The following MBD5 variants were observed in gnomAD, a reference collection of about 807,000 sequenced individuals.
MBD5 encodes the protein methyl-CpG-binding domain protein 5.
A neutral mutation model predicts 117.3 loss-of-function variants in MBD5; 13 were observed. The observed-to-expected ratio is 0.11, with a 90% CI of 0.07 to 0.18. The LOEUF (loss-of-function observed/expected upper bound fraction) is 0.18, where lower values mean the gene tolerates loss of function less well. MBD5 is among the 10% of genes least tolerant of loss of function. The probability of loss-of-function intolerance (pLI) is 1.00; values close to 1 mark genes in which losing one functional copy is unlikely to be tolerated. For missense variants in MBD5, 1,879 were observed against 2,093.8 expected (o/e 0.90, Z 2.00); for synonymous variants, 727 against 766.4 (o/e 0.95, Z 0.85).
intron 3 of MBD5, among the ~76,000 whole-genome samples, chr2:148,309,411 T>C (rs1206227404): frequency 6.6e-6 from 1 of 152,168 alleles, no homozygotes; most frequent in Admixed American, 6.5e-5. Context: ...ATTCTCTTTG[T>C]AGCAACTGTG....
At chr2:148,448,791 A>G (rs1706640646) in intron 4 of MBD5, among the ~76,000 whole-genome samples, 1 of 152,104 alleles carries the variant, frequency 6.6e-6, no homozygotes, top group Admixed American at 6.6e-5. Context: ...ATCATTTTTC[A>G]ACAAAGATTT....
chr2:148,479,284 C>T (rs150600065), intron 8 of MBD5, among the ~76,000 whole-genome samples: 1 of 152,150 alleles, frequency 6.6e-6, no homozygotes, highest in Non-Finnish European at 1.5e-5. Flanking sequence ...TTCCAATGTC[C>T]CTTATCTCCT....
intron 3 of MBD5, among the ~76,000 whole-genome samples, chr2:148,258,132 A>G (rs1032627846): frequency 6.6e-6 from 1 of 152,152 alleles, no homozygotes; most frequent in African/African-American, 2.4e-5. Flanking sequence ...GGGTTGTGGC[A>G]GATCCTGAGG....
intron 3 of MBD5, among the ~76,000 whole-genome samples, chr2:148,270,262 A>G (rs1047572978): frequency 9.2e-5 from 14 of 152,152 alleles, no homozygotes; most frequent in Non-Finnish European, 1.9e-4. Context: ...CATTAGCCTT[A>G]TATTTTGCAA....
At chr2:148,247,751 T>C (rs1244676108) in intron 3 of MBD5, among the ~76,000 whole-genome samples, 1 of 152,096 alleles carries the variant, frequency 6.6e-6, no homozygotes, top group Non-Finnish European at 1.5e-5. Flanking sequence ...TTTTTCAAAA[T>C]GAGTATTTGT....
intron 3 of MBD5, among the ~76,000 whole-genome samples, chr2:148,313,480 C>T (rs999191094): frequency 4.6e-5 from 7 of 151,746 alleles, no homozygotes; most frequent in Non-Finnish European, 8.8e-5. Flanking sequence ...CTCAAGCAGA[C>T]GCACCTCCCT....
intron 4 of MBD5, among the ~76,000 whole-genome samples, chr2:148,452,448 CG>C (rs1376708294): frequency 2.0e-5 from 3 of 152,044 alleles, no homozygotes; most frequent in African/African-American, 7.2e-5. Context: ...TGCAGTGAGC[CG>C]TGATTGTGCC....
chr2:148,176,518 C>T (rs939312206), intron 1 of MBD5, among the ~76,000 whole-genome samples: 5 of 151,774 alleles, frequency 3.3e-5, no homozygotes, highest in Non-Finnish European at 5.9e-5. Context: ...GATCAATTCT[C>T]CTGTCTCAGC....
chr2:148,316,717 TA>T (rs1231806864), intron 3 of MBD5, among the ~76,000 whole-genome samples: 4 of 152,134 alleles, frequency 2.6e-5, no homozygotes, highest in African/African-American at 9.6e-5. Flanking sequence ...ATGAACAAAT[TA>T]AAAAAATGAA....
chr2:148,078,819 A>T (rs749547719), intron 1 of MBD5, among the ~76,000 whole-genome samples: 1 of 152,232 alleles, frequency 6.6e-6, no homozygotes, highest in Non-Finnish European at 1.5e-5. Flanking sequence ...GTAACTGGAT[A>T]TCATAGCCAT....
At chr2:148,318,936 G>A (rs1180782204) in intron 3 of MBD5, among the ~76,000 whole-genome samples, 1 of 152,078 alleles carries the variant, frequency 6.6e-6, no homozygotes, top group African/African-American at 2.4e-5. Context: ...GGGTAGTGTG[G>A]AACTCCTGGC....
intron 3 of MBD5, among the ~76,000 whole-genome samples, chr2:148,318,658 A>C (rs1702212349): frequency 6.6e-6 from 1 of 152,122 alleles, no homozygotes; most frequent in African/African-American, 2.4e-5. Context: ...AAAAATTCTT[A>C]CGCATATGGC....
intron 2 of MBD5, among the ~76,000 whole-genome samples, chr2:148,215,089 G>A (rs1699519524): frequency 6.6e-6 from 1 of 152,080 alleles, no homozygotes; most frequent in Non-Finnish European, 1.5e-5. Context: ...TTTCCTCTAA[G>A]CATTTTGTGT....
chr2:148,170,088 G>A (rs1339247036), intron 1 of MBD5, among the ~76,000 whole-genome samples: 2 of 151,930 alleles, frequency 1.3e-5, no homozygotes, highest in African/African-American at 4.8e-5. Context: ...TAGTAGAGAC[G>A]GGGTTTCACC....
At chr2:148,269,668 GT>G (rs11316954) in intron 3 of MBD5, among the ~76,000 whole-genome samples, 30,729 of 125,746 alleles carry the variant, frequency 0.24, 3,657 homozygotes, top group East Asian at 0.53. Flanking sequence ...AGTTTTTTTA[GT>G]TTTTTTTTTT....
At chr2:148,343,051 A>G (rs1188750556) in intron 4 of MBD5, among the ~76,000 whole-genome samples, 2 of 151,946 alleles carry the variant, frequency 1.3e-5, no homozygotes, top group Non-Finnish European at 2.9e-5. Context: ...TCCTGTGTTA[A>G]TTATCTTAGG....
chr2:148,238,475 G>A (rs182259740), intron 3 of MBD5, among the ~76,000 whole-genome samples: 27 of 152,150 alleles, frequency 1.8e-4, no homozygotes, highest in Admixed American at 1.3e-3. Flanking sequence ...TGTATATATC[G>A]ATCAGATGTT....
In MBD5 at chr2:148,467,856, T is replaced by C. The variant is rs77987247; in HGVS notation, c.398-485T>C. 9.2e-3 allele frequency among the ~76,000 whole-genome samples: 1,407 copies of C among 152,260 alleles called. 49 individuals are homozygous for C. The East Asian group carries it at 0.093, about 10-fold the overall frequency. On this transcript the variant is annotated intron_variant, in intron 7 of 13. Transcript: ENST00000642680. ...TGTTATAAGGGTGAACATTTTGTGG[T>C]GAAAATGGCAATTCATTTAAATCAC... is the stretch of plus-strand genomic sequence containing the variant.
At chr2:148,139,440 G>A (rs1164887020) in intron 1 of MBD5, among the ~76,000 whole-genome samples, 4 of 152,172 alleles carry the variant, frequency 2.6e-5, no homozygotes, top group African/African-American at 9.6e-5. Flanking sequence ...TCCTGACCTC[G>A]GGTGATCTGC....
Sources: gnomAD v4.1 joint callset for allele counts (sites outside exome capture counted in the v4.1 genomes callset) on GRCh38, gnomAD v4.1.1 for gene constraint, MANE v1.5 for transcripts, NCBI Gene and HGNC (gene_info 2026-07-23, HGNC 2026-07-21) for gene names.